Variants in TTLL9 observed in about 807,000 individuals in gnomAD.
The protein encoded by TTLL9 is probable tubulin polyglutamylase TTLL9.
In TTLL9, 47 loss-of-function variants were observed where a neutral mutation model predicts 65.6. The ratio of observed to expected loss-of-function variants is 0.72; its 90% CI spans 0.57 to 0.91. TTLL9 has a LOEUF of 0.91. Among genes scored for constraint, TTLL9 ranks in the 40% least tolerant of loss-of-function variants. The pLI is 0.00. For synonymous variants in TTLL9, 179 were observed against 204.8 expected (o/e 0.87, Z 1.07); for missense variants, 537 against 568.8 (o/e 0.94, Z 0.57).
chr20:31,937,606 C>A, intron 13 of TTLL9, 97 bp downstream of exon 13: 1 of 946,168 alleles, frequency 1.1e-6, no homozygotes, highest in Non-Finnish European at 1.6e-6. Flanking sequence ...GCCTGAGTGG[C>A]CCTCAGCGAT....
intron 2 of TTLL9, chr20:31,879,640 T>C: frequency 1.8e-6 from 1 of 567,370 alleles, no homozygotes; most frequent in South Asian, 2.3e-5. Flanking sequence ...TGCCCCAGGG[T>C]CGCGGAGAGG....
chr20:31,890,146 CTTCCTTCCTTCTTTCTTTCT>C (rs1600536589), intron 3 of TTLL9, among the ~76,000 whole-genome samples: 2 of 18,952 alleles, frequency 1.1e-4, no homozygotes. Context: ...TCCTTCCTTC[CTTCCTTCCTTCTTTCTTTCT>C]TTCTTTCTTT....
At chr20:31,882,373 T>G (rs2123394464) in intron 2 of TTLL9, among the ~76,000 whole-genome samples, 1 of 152,252 alleles carries the variant, frequency 6.6e-6, no homozygotes, top group Admixed American at 6.5e-5. Flanking sequence ...TGTGGCAAAC[T>G]GGTTTCAGCA....
At chr20:31,873,882 A>T (rs921400012) in intron 2 of TTLL9, among the ~76,000 whole-genome samples, 1 of 146,702 alleles carries the variant, frequency 6.8e-6, no homozygotes, top group Non-Finnish European at 1.5e-5. Context: ...GAAAGAAAGA[A>T]AGAGAAAGAA....
intron 10 of TTLL9, among the ~76,000 whole-genome samples, chr20:31,930,034 A>C (rs1444331222): frequency 6.6e-6 from 1 of 152,266 alleles, no homozygotes; most frequent in Non-Finnish European, 1.5e-5. Flanking sequence ...AGGCTGAGGT[A>C]GGAGAATCAC....
intron 4 of TTLL9, among the ~76,000 whole-genome samples, chr20:31,907,083 A>G (rs1433477726): frequency 1.3e-5 from 2 of 152,206 alleles, no homozygotes; most frequent in South Asian, 4.1e-4. Flanking sequence ...GGTGGGAAAA[A>G]AGCATGTTGT....
chr20:31,887,311 T>C (rs190662510), intron 3 of TTLL9, 72 bp downstream of exon 3: 11 of 1,491,984 alleles, frequency 7.4e-6, no homozygotes, highest in Non-Finnish European at 9.3e-6. Flanking sequence ...TTTCAATCCC[T>C]CTCTCCCTTT....
Position 31,922,948 on chromosome 20 carries a change from T to C in TTLL9, c.574-15T>C. On this transcript the variant is annotated splice_polypyrimidine_tract_variant and intron_variant, in intron 7 of 14. Transcript: ENST00000535842. ...CCATAAATAAATGTTCAATTATTAT[T>C]ATTATTACAACTAGGACACAAGAAG... 1 of 1,590,834 alleles carries C rather than the reference T, an allele frequency of 6.3e-7. No homozygotes were observed. Among genetic ancestry groups the C allele is most frequent in the South Asian group, 1.1e-5 (1 of 90,478 alleles).
intron 13 of TTLL9, 70 bp downstream of exon 13, chr20:31,937,579 G>A (rs2064134464): frequency 7.6e-7 from 1 of 1,318,034 alleles, no homozygotes; most frequent in Non-Finnish European, 1.1e-6. Context: ...GGAAGAGGGG[G>A]AGCTTAGAAC....
chr20:31,933,682 C>A, intron 10 of TTLL9, 118 bp from the exon 11 acceptor site: 1 of 924,038 alleles, frequency 1.1e-6, no homozygotes, highest in Non-Finnish European at 1.6e-6. Context: ...CTCACACACA[C>A]GACCGTGGAG....
intron 2 of TTLL9, among the ~76,000 whole-genome samples, chr20:31,871,977 TA>T (rs11477725): frequency 0.15 from 22,360 of 152,258 alleles, 1,940 homozygotes; most frequent in Non-Finnish European, 0.19. Flanking sequence ...ATATCCTTTT[TA>T]AATTGTATTA....
In TTLL9 at chr20:31,898,555, G is replaced by A; in HGVS notation, c.196G>A (p.Glu66Lys). The A allele has an allele frequency of 6.2e-7, 1 of 1,614,096 alleles. No individual in the cohort carries two copies. Among genetic ancestry groups the A allele is most frequent in the Non-Finnish European group, 8.5e-7 (1 of 1,179,992 alleles). ...DVLRHRPGWV[E>K]VKDEGEWDFY... ...CCTTCGCCACAGGCCAGGATGGGTGGAAGTGAAGGAGTAAGACCCTCCCCC... is the reference window on the plus strand; with the variant it reads ...CCTTCGCCACAGGCCAGGATGGGTGAAAGTGAAGGAGTAAGACCCTCCCCC... Residue 66 changes from glutamate to lysine, a missense_variant, in exon 4 of 15, where the codon GAA becomes AAA. By Grantham distance (56) the Glu-to-Lys change is moderately conservative. Around this residue, in one of 3 missense-constraint regions of TTLL9, gnomAD observed 320 missense variants for 311.0 expected, o/e 1.03. Coordinates refer to ENST00000535842, the MANE Select transcript of TTLL9 (RefSeq NM_001008409.5).
chr20:31,919,725 C>A, intron 6 of TTLL9, 139 bp from the exon 7 acceptor site: 1 of 599,060 alleles, frequency 1.7e-6, no homozygotes, highest in Non-Finnish European at 2.7e-6. Flanking sequence ...CCAGCCCCTT[C>A]AGCTAGCCTT....
chr20:31,942,835 T>C (rs2064236273), intron 14 of TTLL9, 110 bp from the exon 15 acceptor site: 1 of 1,008,922 alleles, frequency 9.9e-7, no homozygotes. Context: ...AGGCTGTGTG[T>C]GGTTGTCTGA....
chr20:31,900,659 G>C (rs1337775537), intron 4 of TTLL9, among the ~76,000 whole-genome samples: 3 of 152,164 alleles, frequency 2.0e-5, no homozygotes, highest in Non-Finnish European at 2.9e-5. Flanking sequence ...TTGCCTTCTT[G>C]GTTCTCTTGT....
chr20:31,937,346 G>T, intron 12 of TTLL9, 50 bp from the exon 13 acceptor site: 1 of 1,391,284 alleles, frequency 7.2e-7, no homozygotes, highest in Non-Finnish European at 1.0e-6. Context: ...AATCCTAGGG[G>T]CTCCAGGGAC....
chr20:31,938,413 C>T (rs1296813769), intron 13 of TTLL9: 2 of 356,412 alleles, frequency 5.6e-6, no homozygotes. Flanking sequence ...AGGCAGAAAC[C>T]TCAGGTATCC....
chr20:31,942,712 A>G (rs2064232998), intron 14 of TTLL9, among the ~76,000 whole-genome samples: 1 of 152,192 alleles, frequency 6.6e-6, no homozygotes, highest in Non-Finnish European at 1.5e-5. Flanking sequence ...TGTTCACTCC[A>G]TAAGGTGGGC....
intron 2 of TTLL9, among the ~76,000 whole-genome samples, chr20:31,879,224 A>C (rs1289041550): frequency 6.6e-6 from 1 of 152,180 alleles, no homozygotes; most frequent in Non-Finnish European, 1.5e-5. Flanking sequence ...GGGAGGCTGA[A>C]GCAGGAGGAT....
Sources: allele counts gnomAD v4.1 joint callset (sites outside exome capture counted in the v4.1 genomes callset), GRCh38; gene constraint gnomAD v4.1.1; regional missense constraint gnomAD v4.1.1; transcripts MANE v1.5; gene names NCBI Gene and HGNC (gene_info 2026-07-23, HGNC 2026-07-21).